Variants in RNF182 observed in about 807,000 individuals in gnomAD.
RNF182 encodes the protein E3 ubiquitin-protein ligase RNF182.
In RNF182, 15 loss-of-function variants were observed where a neutral mutation model predicts 14.4. The ratio of observed to expected loss-of-function variants is 1.04; its 90% CI spans 0.70 to 1.60. RNF182 has a LOEUF of 1.60. Among genes scored for constraint, RNF182 ranks in the 40% most tolerant of loss-of-function variants. The probability of loss-of-function intolerance (pLI) is 0.00; values close to 1 mark genes in which losing one functional copy is unlikely to be tolerated. For synonymous variants in RNF182, 128 were observed against 122.9 expected (o/e 1.04, Z -0.27); for missense variants, 268 against 294.8 (o/e 0.91, Z 0.67).
In RNF182 at chr6:13,977,987, G is replaced by T. The variant is rs1581265597; in HGVS notation, c.*124G>T. 9.1e-7 allele frequency: 1 copy of T among 1,097,596 alleles called. No homozygotes were observed. Among genetic ancestry groups the T allele is most frequent in the East Asian group, 2.6e-5 (1 of 39,188 alleles). The allele number at this position is 1,097,596 out of a possible 1,614,324, so 68.0% of individuals were successfully genotyped here. ...ATCCATGACATTAACAAAACCCTTG[G>T]CCACATGTTGACTTGATTGGTTTTC... On this transcript the variant is annotated 3_prime_UTR_variant, in exon 3 of 3. Coordinates refer to ENST00000488300, the MANE Select transcript of RNF182 (RefSeq NM_152737.4).
intron 1 of RNF182, among the ~76,000 whole-genome samples, chr6:13,927,439 C>G (rs150004695): frequency 6.6e-6 from 1 of 152,152 alleles, no homozygotes; most frequent in East Asian, 1.9e-4. Context: ...TCTTTTCCTG[C>G]ATTTTAGCTT....
chr6:13,968,268 A>G (rs1760086235), intron 1 of RNF182, among the ~76,000 whole-genome samples: 1 of 152,220 alleles, frequency 6.6e-6, no homozygotes, highest in Non-Finnish European at 1.5e-5. Flanking sequence ...TGATGCAAAG[A>G]CGATAACAGA....
intron 1 of RNF182, among the ~76,000 whole-genome samples, chr6:13,940,262 G>C (rs141572777): frequency 4.1e-4 from 62 of 152,252 alleles, no homozygotes; most frequent in African/African-American, 1.3e-3. Context: ...TCGAGATGAT[G>C]ATATGATTTG....
intron 1 of RNF182, among the ~76,000 whole-genome samples, chr6:13,936,456 C>T (rs534464143): frequency 1.0e-3 from 159 of 152,252 alleles, no homozygotes; most frequent in African/African-American, 3.4e-3. Flanking sequence ...TTTACATGGT[C>T]GTGGTTGATT....
At position 13,977,808 on chromosome 6, in the gene RNF182, G is replaced by GT; in HGVS notation, c.694dup (p.Cys232LeufsTer7). 6.2e-7 allele frequency: 1 copy of GT among 1,614,122 alleles called. No homozygotes were observed. Among genetic ancestry groups the GT allele is most frequent in the Non-Finnish European group, 8.5e-7 (1 of 1,179,984 alleles). On this transcript the variant is annotated frameshift_variant, in exon 3 of 3. Coordinates refer to ENST00000488300, the MANE Select transcript of RNF182 (RefSeq NM_152737.4). LOFTEE classifies it high-confidence loss of function. The stretch of plus-strand genomic sequence containing the variant: ...AGCCTCGTTATTCTTATGGTGTATG[G>GT]TTTTTGCCAGTGTGTTTGTCATGAA...
chr6:13,927,730 A>ACAT lies in RNF182; in HGVS notation c.-367+2708_-367+2710dup, dbSNP rs1561773069. Among the ~76,000 whole-genome samples the ACAT allele has an allele frequency of 2.0e-5, 3 of 152,370 alleles. No individual in the cohort carries two copies. The South Asian group carries it at 6.2e-4, about 32-fold the overall frequency. ...GCCTTTATTGACTGTTTCTGGGTCA[A>ACAT]CATTCTCTTGCAATTTCTAGTTGCA... On this transcript the variant is annotated intron_variant, in intron 1 of 2. Coordinates refer to ENST00000488300, the MANE Select transcript of RNF182 (RefSeq NM_152737.4).
At chr6:13,969,105 T>TTGTTG (rs1760111719) in intron 1 of RNF182, among the ~76,000 whole-genome samples, 2 of 151,058 alleles carry the variant, frequency 1.3e-5, no homozygotes, top group South Asian at 4.2e-4. Flanking sequence ...GTCTCTGTTT[T>TTGTTG]TTGTTGTTGT....
intron 1 of RNF182, among the ~76,000 whole-genome samples, chr6:13,963,294 A>G (rs1321457399): frequency 6.6e-6 from 1 of 152,240 alleles, no homozygotes; most frequent in East Asian, 1.9e-4. Context: ...CTAGGTAGGC[A>G]TGATACTCAT....
intron 1 of RNF182, among the ~76,000 whole-genome samples, chr6:13,963,261 T>C (rs1020662218): frequency 2.6e-5 from 4 of 152,200 alleles, no homozygotes; most frequent in Non-Finnish European, 5.9e-5. Context: ...ATTGGACAGC[T>C]TCAAAGTTCA....
At chr6:13,948,574 G>A (rs1488992869) in intron 1 of RNF182, among the ~76,000 whole-genome samples, 1 of 152,094 alleles carries the variant, frequency 6.6e-6, no homozygotes, top group Admixed American at 6.6e-5. Flanking sequence ...AGTCAAATAT[G>A]CCATTATTGG....
intron 1 of RNF182, among the ~76,000 whole-genome samples, chr6:13,933,610 C>T (rs1759030787): frequency 6.6e-6 from 1 of 151,998 alleles, no homozygotes; most frequent in African/African-American, 2.4e-5. Context: ...AACATGTAAT[C>T]AATATAAAAA....
At chr6:13,956,058 C>T (rs1759721358) in intron 1 of RNF182, among the ~76,000 whole-genome samples, 1 of 152,172 alleles carries the variant, frequency 6.6e-6, no homozygotes, top group Admixed American at 6.5e-5. Context: ...CTTTCTGTGC[C>T]TGGCTTCTTT....
intron 1 of RNF182, among the ~76,000 whole-genome samples, chr6:13,959,936 A>G (rs904336196): frequency 1.3e-5 from 2 of 152,184 alleles, no homozygotes; most frequent in African/African-American, 4.8e-5. Context: ...ACTGGAGGAG[A>G]TGGAACAATC....
chr6:13,948,448 A>T (rs1043869324), intron 1 of RNF182, among the ~76,000 whole-genome samples: 7 of 152,216 alleles, frequency 4.6e-5, no homozygotes, highest in African/African-American at 1.7e-4. Context: ...CCAGAATTAT[A>T]GTAGTTTTGC....
At chr6:13,945,684 A>G (rs567003782) in intron 1 of RNF182, among the ~76,000 whole-genome samples, 16 of 152,314 alleles carry the variant, frequency 1.1e-4, no homozygotes, top group African/African-American at 2.2e-4. Flanking sequence ...AGTTTATGCT[A>G]TTTTTTGTGT....
Position 13,979,141 on chromosome 6 carries a change from A to G in RNF182, c.*1278A>G, listed in dbSNP as rs1462885620. 6.0e-6 allele frequency: 1 copy of G among 167,044 alleles called. No individual in the cohort carries two copies. Among genetic ancestry groups the G allele is most frequent in the Non-Finnish European group, 1.5e-5 (1 of 68,106 alleles). 10.3% of individuals were successfully genotyped at this position (167,044 alleles called of 1,614,324 possible). On this transcript the variant is annotated 3_prime_UTR_variant, in exon 3 of 3. Coordinates refer to ENST00000488300, the MANE Select transcript of RNF182 (RefSeq NM_152737.4). Reference sequence around the variant, plus strand: ...ATGGATTCAAGTTCTTACACAATTTATTTTGAATACAAGCATAATCTAGGT... The same window carrying G: ...ATGGATTCAAGTTCTTACACAATTTGTTTTGAATACAAGCATAATCTAGGT...
rs528593854 is a variant in RNF182 at position 13,979,844 on chromosome 6, A to G, written c.*1981A>G. 6.0e-6 allele frequency: 1 copy of G among 167,136 alleles called. No individual in the cohort carries two copies. The allele number at this position is 167,136 out of a possible 1,614,324, so 10.4% of individuals were successfully genotyped here. On this transcript the variant is annotated 3_prime_UTR_variant, in exon 3 of 3. Transcript: ENST00000488300. ...CAGTGATAAACTTGTGTCTCCGTGT[A>G]TTGTGGCAGTCTTTTTTTCTAGTTA...
At chr6:13,926,394 C>A (rs1758826458) in intron 1 of RNF182, among the ~76,000 whole-genome samples, 1 of 152,176 alleles carries the variant, frequency 6.6e-6, no homozygotes, top group South Asian at 2.1e-4. Context: ...ACCTGTTAGC[C>A]TGCTGATTAC....
At chr6:13,926,791 G>GTTT (rs59699777) in intron 1 of RNF182, among the ~76,000 whole-genome samples, 1 of 148,248 alleles carries the variant, frequency 6.7e-6, no homozygotes. Flanking sequence ...GTGTGTGTGT[G>GTTT]TTTTTTTTTT....
Sources: allele counts gnomAD v4.1 joint callset (sites outside exome capture counted in the v4.1 genomes callset), GRCh38; gene constraint gnomAD v4.1.1; transcripts MANE v1.5; gene names NCBI Gene and HGNC (gene_info 2026-07-23, HGNC 2026-07-21).